Variants in CNTNAP2 observed in about 807,000 individuals in gnomAD.
CNTNAP2 encodes the protein contactin-associated protein-like 2.
CNTNAP2 carries 98 observed loss-of-function variants against 155.2 expected under a neutral mutation model. The ratio of observed to expected loss-of-function variants is 0.63; its 90% confidence interval spans 0.54 to 0.75. The LOEUF is 0.75. Ranked by LOEUF, CNTNAP2 falls within the 30% of genes least tolerant of loss-of-function variation. CNTNAP2 has a pLI of 0.00. For missense variants in CNTNAP2, 1,727 were observed against 1,688.1 expected (o/e 1.02, Z -0.40); for synonymous variants, 651 against 631.2 (o/e 1.03, Z -0.47).
intron 15 of CNTNAP2, among the ~76,000 whole-genome samples, chr7:148,058,505 A>T (rs189467527): frequency 3.9e-5 from 6 of 152,254 alleles, no homozygotes; most frequent in African/African-American, 1.2e-4. Flanking sequence ...AGTATAATTC[A>T]TGTGGCAATA....
intron 1 of CNTNAP2, among the ~76,000 whole-genome samples, chr7:146,640,783 G>A (rs1799691413): frequency 6.6e-6 from 1 of 152,110 alleles, no homozygotes; most frequent in South Asian, 2.1e-4. Flanking sequence ...AAACTCCAGT[G>A]TTTGAAGGAT....
chr7:147,789,471 A>C (rs1247456356), intron 13 of CNTNAP2, among the ~76,000 whole-genome samples: 2 of 152,272 alleles, frequency 1.3e-5, no homozygotes, highest in East Asian at 3.9e-4. Context: ...CCCCAGTCTT[A>C]CCCATGACTC....
At chr7:148,309,029 A>G (rs940931855) in intron 21 of CNTNAP2, among the ~76,000 whole-genome samples, 5 of 152,198 alleles carry the variant, frequency 3.3e-5, no homozygotes, top group African/African-American at 9.7e-5. Flanking sequence ...TAGTGCCGCA[A>G]TAAACATACA....
At chr7:147,894,957 CTTTCTTTCTTTTTT>C (rs1160774035) in intron 13 of CNTNAP2, among the ~76,000 whole-genome samples, 7 of 62,856 alleles carry the variant, frequency 1.1e-4, no homozygotes, top group African/African-American at 5.3e-4. Flanking sequence ...TTCTTTCTTT[CTTTCTTTCTTTTTT>C]TTTTTTTTTT....
intron 1 of CNTNAP2, among the ~76,000 whole-genome samples, chr7:146,423,882 A>G (rs574526980): frequency 2.2e-4 from 33 of 152,306 alleles, no homozygotes; most frequent in African/African-American, 7.5e-4. Flanking sequence ...AAATTCAGAT[A>G]ATAAGGCTAT....
intron 14 of CNTNAP2, among the ~76,000 whole-genome samples, chr7:147,969,827 A>T (rs1015519703): frequency 2.6e-5 from 4 of 152,138 alleles, no homozygotes; most frequent in African/African-American, 9.6e-5. Flanking sequence ...GGTATTAACC[A>T]TGAAGTAGCA....
chr7:146,873,663 T>G (rs1795362210), intron 3 of CNTNAP2, among the ~76,000 whole-genome samples: 1 of 152,074 alleles, frequency 6.6e-6, no homozygotes. Context: ...GCATGGAGAA[T>G]AGGACATATG....
At chr7:146,974,792 G>T (rs374659694) in intron 3 of CNTNAP2, among the ~76,000 whole-genome samples, 53 of 151,458 alleles carry the variant, frequency 3.5e-4, no homozygotes, top group African/African-American at 1.1e-3. Context: ...TGAACTCAGT[G>T]GTTTGAGACC....
intron 1 of CNTNAP2, among the ~76,000 whole-genome samples, chr7:146,220,184 A>T (rs1345494521): frequency 6.6e-6 from 1 of 152,186 alleles, no homozygotes; most frequent in East Asian, 1.9e-4. Context: ...TTGTCAGGAC[A>T]AAATTTCATA....
chr7:146,411,602 T>C (rs943616711), intron 1 of CNTNAP2, among the ~76,000 whole-genome samples: 1 of 152,102 alleles, frequency 6.6e-6, no homozygotes, highest in Non-Finnish European at 1.5e-5. Context: ...CATAAATATG[T>C]ATAATTTTAT....
In CNTNAP2 at chr7:148,134,700, T is replaced by A. The variant is rs142463059; in HGVS notation, c.2555-12791T>A. On this transcript the variant is annotated intron_variant, in intron 16 of 23. Transcript: ENST00000361727. ...CTTTCTGATTAAATAGTTGTTAAAG[T>A]TACAGAATAGAGTTGCTTATAAAGT... 2.5e-3 allele frequency among the ~76,000 whole-genome samples: 384 copies of A among 152,326 alleles called. 1 individual carries two copies. Among genetic ancestry groups the A allele is most frequent in the Middle Eastern group, 0.017 (5 of 294 alleles).
chr7:147,643,738 G>T (rs1795323263), intron 13 of CNTNAP2, among the ~76,000 whole-genome samples: 2 of 152,160 alleles, frequency 1.3e-5, no homozygotes, highest in South Asian at 4.1e-4. Context: ...CGCTTAAAAT[G>T]TTATTTTTTA....
At chr7:147,683,445 GA>G (rs983550208) in intron 13 of CNTNAP2, among the ~76,000 whole-genome samples, 4 of 151,646 alleles carry the variant, frequency 2.6e-5, no homozygotes, top group Non-Finnish European at 5.9e-5. Flanking sequence ...CACACTTAGT[GA>G]AAATATATAA....
chr7:146,265,831 T>A (rs1584835889), intron 1 of CNTNAP2, among the ~76,000 whole-genome samples: 1 of 152,306 alleles, frequency 6.6e-6, no homozygotes, highest in East Asian at 1.9e-4. Context: ...TCTGCATTAT[T>A]ATGTTGTTGT....
At chr7:148,047,052 C>T (rs1802788179) in intron 15 of CNTNAP2, among the ~76,000 whole-genome samples, 1 of 152,170 alleles carries the variant, frequency 6.6e-6, no homozygotes, top group Non-Finnish European at 1.5e-5. Flanking sequence ...GGGCCCCCAC[C>T]TCCCCAACTC....
rs116395063 is a variant in CNTNAP2, at chr7:147,378,518, A to G, written c.1499-17091A>G. On this transcript the variant is annotated intron_variant, in intron 9 of 23. Transcript: ENST00000361727. ...TAAACCAGGCACAGAAAGACAAACT[A>G]TGTGCGTTCTCACTCATTTGTGGGA... Among the ~76,000 whole-genome samples the G allele has an allele frequency of 5.5e-3, 840 of 152,164 alleles. 12 individuals carry two copies. Among genetic ancestry groups the G allele is most frequent in the African/African-American group, 0.02 (811 of 41,550 alleles).
chr7:148,253,597 T>C (rs560053591), intron 20 of CNTNAP2, among the ~76,000 whole-genome samples: 1 of 152,240 alleles, frequency 6.6e-6, no homozygotes, highest in African/African-American at 2.4e-5. Context: ...CCTTGCATAA[T>C]GTTAGGAGGT....
intron 13 of CNTNAP2, among the ~76,000 whole-genome samples, chr7:147,787,730 CT>C (rs1268108436): frequency 6.6e-6 from 1 of 152,076 alleles, no homozygotes; most frequent in Non-Finnish European, 1.5e-5. Context: ...ATTAGTAAGA[CT>C]TTTTTCATTT....
intron 1 of CNTNAP2, among the ~76,000 whole-genome samples, chr7:146,189,593 CAG>C (rs1378106728): frequency 6.6e-6 from 1 of 152,034 alleles, no homozygotes; most frequent in African/African-American, 2.4e-5. Flanking sequence ...TAAAATTAAA[CAG>C]ATTTAAGAAT....
Sources: allele counts gnomAD v4.1 joint callset (sites outside exome capture counted in the v4.1 genomes callset), GRCh38; gene constraint gnomAD v4.1.1; transcripts MANE v1.5; gene names NCBI Gene and HGNC (gene_info 2026-07-23, HGNC 2026-07-21).